Variants in F13A1 observed in about 807,000 individuals in gnomAD.
F13A1 encodes the protein FSF, A subunit.
Under a neutral mutation model 80.1 loss-of-function variants are expected in F13A1, and 47 were observed. That is an observed-to-expected ratio of 0.59 (90% CI 0.46 to 0.75). The LOEUF (loss-of-function observed/expected upper bound fraction) is 0.75. F13A1 is among the 30% of genes least tolerant of loss of function. The pLI is 0.00. For synonymous variants in F13A1, 349 were observed against 344.9 expected (o/e 1.01, Z -0.13); for missense variants, 817 against 930.4 (o/e 0.88, Z 1.59).
chr6:6,280,979 G>C (rs755844442), intron 3 of F13A1, among the ~76,000 whole-genome samples: 1 of 152,094 alleles, frequency 6.6e-6, no homozygotes, highest in Admixed American at 6.5e-5. Context: ...TTGCGGAGTG[G>C]CTGGAGAATC....
At chr6:6,318,411 T>G in intron 2 of F13A1, 124 bp downstream of exon 2, 7 of 1,197,344 alleles carry the variant, frequency 5.8e-6, no homozygotes, top group Non-Finnish European at 7.9e-6. Flanking sequence ...AACCAGAGAT[T>G]GGCAGGGGGC....
chr6:6,182,280 A>G (rs748771695), intron 10 of F13A1, 139 bp from the exon 11 acceptor site: 26 of 834,634 alleles, frequency 3.1e-5, no homozygotes, highest in Non-Finnish European at 4.9e-5. Context: ...TTCGTATCAT[A>G]GGGCCAAACA....
intron 3 of F13A1, among the ~76,000 whole-genome samples, chr6:6,283,996 T>C (rs1758102398): frequency 6.6e-6 from 1 of 152,212 alleles, no homozygotes; most frequent in Non-Finnish European, 1.5e-5. Context: ...AGTGAATCAC[T>C]GAAGCAAGGA....
intron 8 of F13A1, among the ~76,000 whole-genome samples, chr6:6,208,591 C>T (rs990451209): frequency 1.3e-5 from 2 of 152,154 alleles, no homozygotes; most frequent in East Asian, 3.8e-4. Flanking sequence ...GATATCTACA[C>T]TTAGACACAT....
rs142921907 is a variant in F13A1, at chr6:6,307,282, T to C, written c.131-1743A>G. ...GGCAAGCAGAAAGTGCAGGATGCAG[T>C]TTTATTTTTACCTCTTCTCAGAACC... On this transcript the variant is annotated intron_variant, in intron 2 of 14. Transcript: ENST00000264870. 2.0e-5 allele frequency among the ~76,000 whole-genome samples: 3 copies of C among 152,180 alleles called. No individual in the cohort carries two copies. In the East Asian group the frequency reaches 5.8e-4, roughly 30 times the overall value.
intron 6 of F13A1, among the ~76,000 whole-genome samples, chr6:6,236,687 T>C (rs1472621790): frequency 6.6e-6 from 1 of 152,160 alleles, no homozygotes; most frequent in African/African-American, 2.4e-5. Context: ...TTCCGTTAAA[T>C]TTCATTGTTA....
intron 10 of F13A1, among the ~76,000 whole-genome samples, chr6:6,193,180 G>C (rs1761232523): frequency 6.6e-6 from 1 of 152,068 alleles, no homozygotes; most frequent in South Asian, 2.1e-4. Flanking sequence ...AGTGGAGGAG[G>C]AGAGAAAAAA....
intron 8 of F13A1, among the ~76,000 whole-genome samples, chr6:6,210,284 T>G (rs1235091898): frequency 2.9e-5 from 3 of 103,572 alleles, no homozygotes; most frequent in African/African-American, 9.0e-5. Context: ...ATTGTGTACT[T>G]TACTTTAAAG....
At chr6:6,280,707 T>C (rs2113142381) in intron 3 of F13A1, among the ~76,000 whole-genome samples, 1 of 152,346 alleles carries the variant, frequency 6.6e-6, no homozygotes, top group East Asian at 1.9e-4. Flanking sequence ...CAATTGTTCT[T>C]GACATCTTTT....
chr6:6,181,131 C>T (rs865838989), intron 11 of F13A1, among the ~76,000 whole-genome samples: 32 of 152,294 alleles, frequency 2.1e-4, no homozygotes, highest in African/African-American at 7.7e-4. Context: ...GGCTGCTGCA[C>T]GCCCTGTAAC....
chr6:6,161,100 G>A (rs1394350673), intron 13 of F13A1, among the ~76,000 whole-genome samples: 1 of 152,090 alleles, frequency 6.6e-6, no homozygotes, highest in Non-Finnish European at 1.5e-5. Context: ...AGAGATCATT[G>A]GAGGAACATG....
intron 3 of F13A1, among the ~76,000 whole-genome samples, chr6:6,271,918 A>G (rs1418759345): frequency 3.3e-5 from 5 of 152,254 alleles, no homozygotes; most frequent in Non-Finnish European, 7.3e-5. Context: ...GGGATGTAGG[A>G]GGAAGAAGAT....
chr6:6,222,469 G>C (rs544015842), intron 7 of F13A1, among the ~76,000 whole-genome samples: 9 of 152,248 alleles, frequency 5.9e-5, no homozygotes, highest in African/African-American at 2.2e-4. Flanking sequence ...CATCAACGTA[G>C]TATTATTTTA....
chr6:6,235,763 C>A (rs1474573998), intron 6 of F13A1, among the ~76,000 whole-genome samples: 1 of 151,912 alleles, frequency 6.6e-6, no homozygotes, highest in East Asian at 1.9e-4. Flanking sequence ...AGCTTATGAC[C>A]CAGCCACCTC....
At chr6:6,280,314 T>C (rs945097506) in intron 3 of F13A1, among the ~76,000 whole-genome samples, 1 of 152,230 alleles carries the variant, frequency 6.6e-6, no homozygotes, top group South Asian at 2.1e-4. Flanking sequence ...ATTTAATTCA[T>C]AATACTAATG....
chr6:6,192,097 C>T (rs1761211799), intron 10 of F13A1, among the ~76,000 whole-genome samples: 1 of 152,134 alleles, frequency 6.6e-6, no homozygotes, highest in African/African-American at 2.4e-5. Context: ...TCTAAAAGTG[C>T]TGACACAAGA....
At chr6:6,161,551 TGAGAGAGAGA>T (rs111622535) in intron 13 of F13A1, among the ~76,000 whole-genome samples, 1 of 146,280 alleles carries the variant, frequency 6.8e-6, no homozygotes, top group Admixed American at 6.8e-5. Flanking sequence ...TGTGTGTGTG[TGAGAGAGAGA>T]GAGAGAGAGA....
rs372651461 is a variant in F13A1, at chr6:6,174,632, C to T, written c.1695G>A (p.Pro565=). 109 of 1,614,014 alleles carry T rather than the reference C, an allele frequency of 6.8e-5. No homozygotes were observed. Among genetic ancestry groups the T allele is most frequent in the Admixed American group, 5.8e-4 (35 of 59,998 alleles). ...SANITFYTGV[P]KAEFKKETFD... Reference sequence around the variant, plus strand: ...ACGTCTCCTTCTTGAATTCTGCCTTCGGGACCCCGGTGTAGAAGGTGATGT... The same window carrying T: ...ACGTCTCCTTCTTGAATTCTGCCTTTGGGACCCCGGTGTAGAAGGTGATGT... Residue 565 remains proline (P), a synonymous_variant, in exon 12 of 15, where the codon CCG becomes CCA. Transcript: ENST00000264870.
intron 9 of F13A1, 124 bp downstream of exon 9, chr6:6,197,098 GC>G (rs1761304062): frequency 2.5e-6 from 2 of 808,002 alleles, no homozygotes; most frequent in South Asian, 2.9e-5. Context: ...CTGTACATGT[GC>G]CCAGGAAGCA....
Sources: allele counts gnomAD v4.1 joint callset (sites outside exome capture counted in the v4.1 genomes callset), GRCh38; gene constraint gnomAD v4.1.1; transcripts MANE v1.5; gene names NCBI Gene and HGNC (gene_info 2026-07-23, HGNC 2026-07-21).